Variants in CPSF7 observed in about 807,000 individuals in gnomAD.
CPSF7 encodes cleavage and polyadenylation specific factor 7.
Under a neutral mutation model 44.3 loss-of-function variants are expected in CPSF7, and 1 was observed. The ratio of observed to expected loss-of-function variants is 0.02; its 90% CI spans 0.01 to 0.11. The LOEUF is 0.11. Among genes scored for constraint, CPSF7 ranks in the 10% least tolerant of loss-of-function variants. The pLI is 1.00. For synonymous variants in CPSF7, 202 were observed against 222.0 expected (o/e 0.91, Z 0.80); for missense variants, 443 against 607.2 (o/e 0.73, Z 2.84).
intron 2 of CPSF7, among the ~76,000 whole-genome samples, chr11:61,423,884 AAATGCACACTAAGAG>A (rs944287609): frequency 1.2e-4 from 18 of 152,372 alleles, no homozygotes; most frequent in African/African-American, 4.3e-4. Flanking sequence ...CAGTGGAAGA[AAATGCACACTAAGAG>A]AATAATCTTG....
intron 9 of CPSF7, among the ~76,000 whole-genome samples, chr11:61,407,266 G>A (rs1176433498): frequency 6.6e-6 from 1 of 152,132 alleles, no homozygotes; most frequent in African/African-American, 2.4e-5. Flanking sequence ...CCCCAAAGAC[G>A]ACAGTGCATG....
chr11:61,429,922 T>C lies in CPSF7; in HGVS notation c.-64A>G, dbSNP rs1220136813. On this transcript the variant is annotated 5_prime_UTR_variant, in exon 1 of 10. Coordinates refer to ENST00000439958, the MANE Select transcript of CPSF7 (RefSeq NM_001142565.3). The stretch of plus-strand genomic sequence containing the variant: ...CCGCGCGCCCCCGTTACCGGGAATA[T>C]GGCGGCGGCGGCGGCGAGTCCGGAC... 8.2e-6 allele frequency: 12 copies of C among 1,468,246 alleles called. No individual in the cohort carries two copies. Among genetic ancestry groups the C allele is most frequent in the Non-Finnish European group, 1.1e-5 (12 of 1,097,232 alleles). The allele number at this position is 1,468,246 out of a possible 1,614,324, so 91.0% of individuals were successfully genotyped here. A position where few individuals can be genotyped will look rare whatever the true frequency, so the allele number is the denominator to read the frequency against.
chr11:61,414,061 GA>G (rs1271146603), intron 7 of CPSF7, among the ~76,000 whole-genome samples: 6 of 152,000 alleles, frequency 3.9e-5, no homozygotes, highest in African/African-American at 7.3e-5. Context: ...GAGGAAGAAG[GA>G]ACAATGAGTA....
At position 61,416,250 on chromosome 11, in the gene CPSF7, G is replaced by T; in HGVS notation, c.793C>A (p.Pro265Thr). 1 of 1,535,530 alleles carries T rather than the reference G, an allele frequency of 6.5e-7. No individual in the cohort carries two copies. Among genetic ancestry groups the T allele is most frequent in the Non-Finnish European group, 8.8e-7 (1 of 1,142,776 alleles). Residue 265 changes from proline to threonine, a missense_variant, in exon 6 of 10, where the codon CCT becomes ACT. Pro to Thr is a conservative substitution (Grantham distance 38). Transcript: ENST00000439958. ...QHLMPPPPRL[P>T]PHLAVPPPGA... ...GGGGGAGGTACAGCAAGATGAGGAGGTAATCGAGGAGGTGGGGGCATGAGA... is the reference window on the plus strand; with the variant it reads ...GGGGGAGGTACAGCAAGATGAGGAGTTAATCGAGGAGGTGGGGGCATGAGA...
In CPSF7 at chr11:61,404,435, A is replaced by C. The variant is rs1389446669; in HGVS notation, c.*275T>G. The C allele has an allele frequency of 6.6e-6, 1 of 152,666 alleles. No homozygotes were observed. The highest frequency in any genetic ancestry group is 6.5e-5 in the Admixed American group (1 of 15,286). 9.5% of individuals were successfully genotyped at this position (152,666 alleles called of 1,614,324 possible). A position where few individuals can be genotyped will look rare whatever the true frequency, so the allele number is the denominator to read the frequency against. On this transcript the variant is annotated 3_prime_UTR_variant, in exon 10 of 10. Transcript: ENST00000439958. ...CAAAGCACCATTCTCTATGGAGACCAGGGGCCTGGACATGTTTTCTTCCTG... is the reference window on the plus strand; with the variant it reads ...CAAAGCACCATTCTCTATGGAGACCCGGGGCCTGGACATGTTTTCTTCCTG...
intron 2 of CPSF7, among the ~76,000 whole-genome samples, chr11:61,428,118 T>G (rs903728022): frequency 6.6e-6 from 1 of 152,240 alleles, no homozygotes; most frequent in Non-Finnish European, 1.5e-5. Flanking sequence ...TTTTGGAACA[T>G]TCTTGAGAAT....
chr11:61,416,337 G>C lies in CPSF7; in HGVS notation c.706C>G (p.Pro236Ala), dbSNP rs1860335711. The C allele has an allele frequency of 6.3e-7, 1 of 1,581,904 alleles. No homozygotes were observed. Among genetic ancestry groups the C allele is most frequent in the Admixed American group, 1.7e-5 (1 of 57,248 alleles). The part of the protein sequence containing the change: ...MGLPPPPIPP[P>A]PPLSSSFGVP... The stretch of plus-strand genomic sequence containing the variant: ...CCAAAGCTTGAGGAGAGAGGTGGTG[G>C]GGGTGGAATTGGTGGTGGGGGCAGA... Residue 236 changes from proline to alanine, a missense_variant, in exon 6 of 10, where the codon CCA (proline) becomes GCA (alanine). Transcript: ENST00000439958.
intron 2 of CPSF7, among the ~76,000 whole-genome samples, chr11:61,423,175 T>C (rs1423519692): frequency 7.0e-6 from 1 of 142,730 alleles, no homozygotes; most frequent in Non-Finnish European, 1.5e-5. Context: ...AAATCTTTTT[T>C]TTTTTTTTTT....
In CPSF7 at chr11:61,416,403, G is replaced by A; in HGVS notation, c.640C>T (p.Pro214Ser). Residue 214 changes from proline (P) to serine (S), a missense_variant, in exon 6 of 10, where the codon CCC becomes TCC. Pro to Ser is a moderately conservative substitution (Grantham distance 74). Transcript: ENST00000439958. ...ARVDKPPSVLPYFNRPPSALP... is the reference protein window; with the variant it reads ...ARVDKPPSVLSYFNRPPSALP... Reference sequence around the variant, plus strand: ...GCCGAAGGAGGACGATTGAAGTAGGGCAGCACACTGGGGGGCTTATCCACA... The same window carrying A: ...GCCGAAGGAGGACGATTGAAGTAGGACAGCACACTGGGGGGCTTATCCACA... The A allele has an allele frequency of 1.2e-6, 2 of 1,613,828 alleles. No homozygotes were observed. The highest frequency in any genetic ancestry group is 1.7e-6 in the Non-Finnish European group (2 of 1,179,874).
intron 2 of CPSF7, among the ~76,000 whole-genome samples, chr11:61,425,697 T>C (rs1861280609): frequency 1.3e-5 from 2 of 152,236 alleles, no homozygotes; most frequent in Admixed American, 6.5e-5. Context: ...CTTTTAATTG[T>C]AACCAAGGCT....
chr11:61,420,900 G>A, intron 3 of CPSF7: 2 of 497,422 alleles, frequency 4.0e-6, no homozygotes, highest in Non-Finnish European at 7.5e-6. Flanking sequence ...GTTGACCATT[G>A]CCAGAACTTC....
chr11:61,427,468 C>T (rs1294971253), intron 2 of CPSF7: 2 of 152,004 alleles, frequency 1.3e-5, no homozygotes, highest in African/African-American at 4.8e-5. Context: ...ACCTGGCCAA[C>T]ATGGTGAAAC....
chr11:61,408,126 G>A (rs970196747), intron 9 of CPSF7, among the ~76,000 whole-genome samples: 6 of 149,082 alleles, frequency 4.0e-5, no homozygotes, highest in African/African-American at 7.5e-5. Flanking sequence ...GCGCGATCTC[G>A]GCTCACTGCA....
Position 61,429,208 on chromosome 11 carries a change from T to G in CPSF7, c.28A>C (p.Ile10Leu). 6.2e-7 allele frequency: 1 copy of G among 1,610,710 alleles called. No individual in the cohort carries two copies. The highest frequency in any genetic ancestry group is 8.5e-7 in the Non-Finnish European group (1 of 1,177,054). ...TGGTTGAACTCCTCGTCAGCATATA[T>G]ATCAATCAAGTCCACTCCTTCTGAC... Reference protein sequence around the residue: MSEGVDLIDIYADEEFNQDP... With the variant: MSEGVDLIDLYADEEFNQDP... The change falls in exon 2 of 10, where the codon ATA becomes CTA. Residue 10 changes from isoleucine to leucine, a missense_variant. Coordinates refer to ENST00000439958, the MANE Select transcript of CPSF7 (RefSeq NM_001142565.3).
chr11:61,424,200 AGGGT>A (rs1861149506), intron 2 of CPSF7, among the ~76,000 whole-genome samples: 1 of 152,224 alleles, frequency 6.6e-6, no homozygotes, highest in Non-Finnish European at 1.5e-5. Flanking sequence ...TGGAGAGGAC[AGGGT>A]GGATAATAAA....
At chr11:61,412,119 G>A (rs1156393575) in intron 7 of CPSF7, among the ~76,000 whole-genome samples, 182 bp from the exon 8 acceptor site, 5 of 152,074 alleles carry the variant, frequency 3.3e-5, no homozygotes, top group Admixed American at 6.6e-5. Context: ...CAGCAGTTCG[G>A]AATTTAACAG....
intron 9 of CPSF7, among the ~76,000 whole-genome samples, chr11:61,410,007 C>G (rs910145383): frequency 6.6e-6 from 1 of 152,102 alleles, no homozygotes; most frequent in Non-Finnish European, 1.5e-5. Context: ...GTTGCTCAGG[C>G]TGGTCTCAAA....
chr11:61,406,422 A>G (rs1355134054), intron 9 of CPSF7, among the ~76,000 whole-genome samples: 4 of 152,272 alleles, frequency 2.6e-5, no homozygotes, highest in African/African-American at 7.2e-5. Flanking sequence ...TCTTCCCAAC[A>G]TGAAACTTCC....
chr11:61,422,046 T>C (rs938316468), intron 2 of CPSF7, among the ~76,000 whole-genome samples: 2 of 152,164 alleles, frequency 1.3e-5, no homozygotes, highest in African/African-American at 4.8e-5. Context: ...TATTTAATAA[T>C]AAATTTATTT....
Sources: gnomAD v4.1 joint callset for allele counts (sites outside exome capture counted in the v4.1 genomes callset) on GRCh38, gnomAD v4.1.1 for gene constraint, MANE v1.5 for transcripts, NCBI Gene and HGNC (gene_info 2026-07-23, HGNC 2026-07-21) for gene names.